Variants in C10orf53 observed in about 807,000 individuals in gnomAD.
The protein encoded by C10orf53 is UPF0728 protein C10orf53.
In C10orf53, 8 loss-of-function variants were observed where a neutral mutation model predicts 9.4. The ratio of observed to expected loss-of-function variants is 0.85; its 90% confidence interval spans 0.50 to 1.53. The LOEUF is 1.53. Among genes scored for constraint, C10orf53 ranks in the 40% most tolerant of loss-of-function variants. C10orf53 has a pLI of 0.00. For missense variants in C10orf53, 117 were observed against 117.8 expected (o/e 0.99, Z 0.03); for synonymous variants, 48 against 46.0 (o/e 1.04, Z -0.18).
intron 2 of C10orf53, 115 bp from the exon 3 acceptor site, chr10:49,694,423 T>G (rs2278561): frequency 0.45 from 628,008 of 1,389,188 alleles, 145,860 homozygotes; most frequent in Middle Eastern, 0.5. Flanking sequence ...TAGTTAACAT[T>G]TTACCAGCCC....
At chr10:49,697,810 T>C (rs976868373), downstream of C10orf53, among the ~76,000 whole-genome samples, 1 of 152,184 alleles carries the variant, frequency 6.6e-6, no homozygotes. Flanking sequence ...CCTCCCAAAG[T>C]GCTGGGATTA....
chr10:49,681,887 T>TCCATATATGAAGTTGG (rs1254754901), intron 1 of C10orf53, among the ~76,000 whole-genome samples: 1 of 152,186 alleles, frequency 6.6e-6, no homozygotes, highest in Non-Finnish European at 1.5e-5. Context: ...AGTTAGGGCT[T>TCCATATATGAAGTTGG]CCATATATGA....
In C10orf53 at chr10:49,694,820, G is replaced by A. The variant is rs989318863; in HGVS notation, c.*218G>A. ...ATAAAAACCACATCATTTATAACAT[G>A]TCTCAATCTCAACCCATAGGGAGAG... On this transcript the variant is annotated 3_prime_UTR_variant, in exon 3 of 3. Coordinates refer to ENST00000374111, the MANE Select transcript of C10orf53 (RefSeq NM_001042427.3). The A allele has an allele frequency of 2.8e-5, 38 of 1,372,142 alleles. No homozygotes were observed. The highest frequency in any genetic ancestry group is 3.2e-5 in the Non-Finnish European group (34 of 1,064,860). 85.0% of individuals were successfully genotyped at this position (1,372,142 alleles called of 1,614,324 possible).
At chr10:49,687,386 C>A (rs570698417) in intron 1 of C10orf53, among the ~76,000 whole-genome samples, 3 of 152,348 alleles carry the variant, frequency 2.0e-5, no homozygotes, top group South Asian at 2.1e-4. Flanking sequence ...CTTTAGTTGT[C>A]ACCTCTCCCT....
At chr10:49,702,103 A>G (rs1840687629), downstream of C10orf53, among the ~76,000 whole-genome samples, 1 of 152,076 alleles carries the variant, frequency 6.6e-6, no homozygotes, top group Non-Finnish European at 1.5e-5. Flanking sequence ...AGGCTGAGGT[A>G]GGAGAATCAC....
intron 1 of C10orf53, among the ~76,000 whole-genome samples, chr10:49,684,379 T>C (rs567596122): frequency 6.6e-6 from 1 of 152,360 alleles, no homozygotes; most frequent in Non-Finnish European, 1.5e-5. Flanking sequence ...GATAGGTTTT[T>C]CCACTTCTGC....
At chr10:49,693,645 A>T in intron 1 of C10orf53, 129 bp from the exon 2 acceptor site, 1 of 1,164,144 alleles carries the variant, frequency 8.6e-7, no homozygotes, top group Non-Finnish European at 1.2e-6. Flanking sequence ...AGTGCCTACC[A>T]GGGCAGTTGA....
Position 49,695,132 on chromosome 10 carries a change from T to C in C10orf53, c.*530T>C, listed in dbSNP as rs1840622526. On this transcript the variant is annotated 3_prime_UTR_variant, in exon 3 of 3. Coordinates refer to ENST00000374111, the MANE Select transcript of C10orf53 (RefSeq NM_001042427.3). Reference sequence around the variant, plus strand: ...GGGAATAAATATTTTAAATTGCTATTATAAAATTAGCCAAAATCAAATCTT... The same window carrying C: ...GGGAATAAATATTTTAAATTGCTATCATAAAATTAGCCAAAATCAAATCTT... The C allele has an allele frequency of 4.2e-6, 1 of 235,856 alleles. No homozygotes were observed. Among genetic ancestry groups the C allele is most frequent in the Non-Finnish European group, 6.9e-6 (1 of 144,532 alleles). The allele number at this position is 235,856 out of a possible 1,614,324, so 14.6% of individuals were successfully genotyped here. A position where few individuals can be genotyped will look rare whatever the true frequency, so the allele number is the denominator to read the frequency against.
At chr10:49,700,635 A>G (rs1316160232), downstream of C10orf53, among the ~76,000 whole-genome samples, 1 of 152,168 alleles carries the variant, frequency 6.6e-6, no homozygotes. Context: ...CAGTCACAGC[A>G]CCACTGGAGC....
chr10:49,687,331 T>A (rs918470895), intron 1 of C10orf53, among the ~76,000 whole-genome samples: 1 of 152,216 alleles, frequency 6.6e-6, no homozygotes, highest in Non-Finnish European at 1.5e-5. Flanking sequence ...CTTATCAGTA[T>A]TGGGGGGGAA....
Position 49,694,709 on chromosome 10 carries a change from T to C in C10orf53, c.*107T>C. 1 of 1,569,792 alleles carries C rather than the reference T, an allele frequency of 6.4e-7. No individual in the cohort carries two copies. Among genetic ancestry groups the C allele is most frequent in the South Asian group, 1.2e-5 (1 of 85,810 alleles). Reference sequence around the variant, plus strand: ...CCACGGTGTGGACACTGGGCTCTGCTAGTCAGAACAGGGCAACTCGGGCCT... The same window carrying C: ...CCACGGTGTGGACACTGGGCTCTGCCAGTCAGAACAGGGCAACTCGGGCCT... On this transcript the variant is annotated 3_prime_UTR_variant, in exon 3 of 3. Transcript: ENST00000374111.
At position 49,693,764 on chromosome 10, in the gene C10orf53, T is replaced by C. The variant is rs201570985; in HGVS notation, c.98-10T>C. On this transcript the variant is annotated splice_polypyrimidine_tract_variant and intron_variant, in intron 1 of 2. Coordinates refer to ENST00000374111, the MANE Select transcript of C10orf53 (RefSeq NM_001042427.3). ...CCCATGTCACTCACCTCCTTTTCTT[T>C]CCTTCCCAGCTGTGTTGGCCATAGA... The C allele has an allele frequency of 1.7e-5, 27 of 1,612,520 alleles. No homozygotes were observed. In the South Asian group the frequency reaches 2.4e-4, roughly 14 times the overall value.
chr10:49,680,573 A>T (rs1840469409), intron 1 of C10orf53, among the ~76,000 whole-genome samples: 1 of 152,228 alleles, frequency 6.6e-6, no homozygotes, highest in African/African-American at 2.4e-5. Context: ...CTGGAGAGGT[A>T]ATCAGGCCAG....
At chr10:49,693,264 T>G (rs1267746272) in intron 1 of C10orf53, among the ~76,000 whole-genome samples, 1 of 152,240 alleles carries the variant, frequency 6.6e-6, no homozygotes, top group East Asian at 1.9e-4. Flanking sequence ...AAAAGACATC[T>G]TGTTGCAAAA....
chr10:49,685,575 A>G (rs1203955243), intron 1 of C10orf53, among the ~76,000 whole-genome samples: 1 of 152,234 alleles, frequency 6.6e-6, no homozygotes, highest in African/African-American at 2.4e-5. Context: ...ACACACACAT[A>G]TATTTTATTG....
chr10:49,692,645 C>G (rs1254099427), intron 1 of C10orf53, among the ~76,000 whole-genome samples: 2 of 152,098 alleles, frequency 1.3e-5, no homozygotes, highest in African/African-American at 2.4e-5. Context: ...ATCGGCACAC[C>G]CACTCTAATA....
intron 2 of C10orf53, among the ~76,000 whole-genome samples, chr10:49,706,250 A>G (rs1026914999): frequency 9.2e-5 from 14 of 152,250 alleles, no homozygotes. Context: ...TACCCAAGAG[A>G]AATGAAAACA....
intron 1 of C10orf53, among the ~76,000 whole-genome samples, chr10:49,689,983 A>G (rs1416502510): frequency 6.6e-6 from 1 of 152,134 alleles, no homozygotes; most frequent in Non-Finnish European, 1.5e-5. Flanking sequence ...TCCGAGAGGG[A>G]TGGGGAGCGC....
Position 49,694,531 on chromosome 10 carries a change from T to G in C10orf53, c.218-7T>G, listed in dbSNP as rs772597208. The G allele has an allele frequency of 6.2e-7, 1 of 1,614,008 alleles. No individual in the cohort carries two copies. The highest frequency in any genetic ancestry group is 1.3e-5 in the African/African-American group (1 of 74,934). The stretch of plus-strand genomic sequence containing the variant: ...TAACCAAAAGACAATTATATCTGTT[T>G]CCCTAGGAGGCGATGGTAAACTAGA... On this transcript the variant is annotated splice_region_variant and splice_polypyrimidine_tract_variant and intron_variant, in intron 2 of 2. Transcript: ENST00000374111.
Sources: gnomAD v4.1 joint callset for allele counts (sites outside exome capture counted in the v4.1 genomes callset) on GRCh38, gnomAD v4.1.1 for gene constraint, MANE v1.5 for transcripts, NCBI Gene and HGNC (gene_info 2026-07-23, HGNC 2026-07-21) for gene names.